The following EPB42 variants were observed in gnomAD, a reference collection of about 807,000 sequenced individuals.
EPB42 encodes protein 4.2.
In EPB42, 49 loss-of-function variants were observed where a neutral mutation model predicts 76.9. The ratio of observed to expected loss-of-function variants is 0.64; its 90% CI spans 0.51 to 0.81. The LOEUF (loss-of-function observed/expected upper bound fraction) is 0.81. EPB42 is among the 30% of genes least tolerant of loss of function. The pLI is 0.00. For synonymous variants in EPB42, 310 were observed against 338.4 expected (o/e 0.92, Z 0.92); for missense variants, 731 against 867.6 (o/e 0.84, Z 1.98).
chr15:43,209,200 G>T lies in EPB42; in HGVS notation c.832+74C>A, dbSNP rs1299066513. The stretch of plus-strand genomic sequence containing the variant: ...CAGGGAGGCAGCACCTGCTTTTGGA[G>T]ATGTCCTTCCCACATGGGAGGCCAG... On this transcript the variant is annotated intron_variant, in intron 6 of 12. Coordinates refer to ENST00000441366, the MANE Select transcript of EPB42 (RefSeq NM_001114134.2). 1.9e-6 allele frequency: 3 copies of T among 1,559,978 alleles called. No individual in the cohort carries two copies. In the African/African-American group the frequency reaches 4.1e-5, roughly 21 times the overall value.
At chr15:43,205,038 C>T (rs925178463) in intron 10 of EPB42, among the ~76,000 whole-genome samples, 12 of 134,518 alleles carry the variant, frequency 8.9e-5, no homozygotes, top group Non-Finnish European at 1.9e-4. Flanking sequence ...TCTTATATGA[C>T]CCCTTCCATT....
rs774089462 is a variant in EPB42 at position 43,206,594 on chromosome 15, C to T, written c.1354G>A (p.Glu452Lys). ...LQEKEVLERV[E>K]KEKMEREKDN... ...TTCTCACGTTCCATTTTCTCTTTCTCGACTCTCTCCAGCACCTCTTTTTCC... is the reference window on the plus strand; with the variant it reads ...TTCTCACGTTCCATTTTCTCTTTCTTGACTCTCTCCAGCACCTCTTTTTCC... The change falls in exon 10 of 13, where the codon GAG (glutamate) becomes AAG (lysine). Residue 452 changes from glutamate (E) to lysine (K), a missense_variant. Transcript: ENST00000441366. This position sits in a 1 kb window ranked among gnomAD's most constrained non-coding sequence, Gnocchi z 4.7. The T allele has an allele frequency of 1.8e-5, 29 of 1,614,018 alleles. No individual in the cohort carries two copies. In the Admixed American group the frequency reaches 3.0e-4, roughly 17 times the overall value.
chr15:43,202,973 T>C (rs1259675234), intron 11 of EPB42, 142 bp downstream of exon 11: 25 of 1,060,742 alleles, frequency 2.4e-5, no homozygotes, highest in Non-Finnish European at 3.5e-5. Context: ...ACTATGTCTT[T>C]CAAGGGAAGG....
intron 2 of EPB42, among the ~76,000 whole-genome samples, chr15:43,215,626 T>C (rs939839544): frequency 1.3e-5 from 2 of 152,228 alleles, no homozygotes; most frequent in East Asian, 3.8e-4. Context: ...TGACAGGTAG[T>C]ATGGATTCAA....
chr15:43,204,367 A>T (rs557539935), intron 10 of EPB42, among the ~76,000 whole-genome samples: 1 of 151,498 alleles, frequency 6.6e-6, no homozygotes, highest in Admixed American at 6.6e-5. Context: ...TCACCCTCTC[A>T]TCTACTCACT....
chr15:43,223,772 G>A (rs1161625485), upstream of EPB42, among the ~76,000 whole-genome samples: 3 of 152,120 alleles, frequency 2.0e-5, no homozygotes, highest in Non-Finnish European at 2.9e-5. Context: ...TCAGGAGTTC[G>A]AAACCAGCCA....
chr15:43,216,412 T>G lies in EPB42; in HGVS notation c.52A>C (p.Asn18His). The change falls in exon 2 of 13, where the codon AAT (asparagine) becomes CAT (histidine). Residue 18 changes from asparagine to histidine, a missense_variant. Physicochemically the swap from Asn to His is moderately conservative, Grantham distance 68. Coordinates refer to ENST00000441366, the MANE Select transcript of EPB42 (RefSeq NM_001114134.2). ...AGGGCCTTGGTGTGGTGCTCCTCATTGTTTCTTGCTGCCTGAAAGTCACAG... is the reference window on the plus strand; with the variant it reads ...AGGGCCTTGGTGTGGTGCTCCTCATGGTTTCTTGCTGCCTGAAAGTCACAG... ...KSCDFQAARN[N>H]EEHHTKALSS... is the part of the protein sequence containing the mutation. 2 of 1,614,202 alleles carry G rather than the reference T, an allele frequency of 1.2e-6. No individual in the cohort carries two copies. The highest frequency in any genetic ancestry group is 1.7e-6 in the Non-Finnish European group (2 of 1,180,042).
Position 43,197,454 on chromosome 15 carries a change from C to T in EPB42, c.1924G>A (p.Val642Met). The T allele has an allele frequency of 1.2e-6, 2 of 1,614,176 alleles. No homozygotes were observed. Among genetic ancestry groups the T allele is most frequent in the Non-Finnish European group, 1.7e-6 (2 of 1,180,040 alleles). The change falls in exon 13 of 13, where the codon GTG becomes ATG. Residue 642 changes from valine to methionine, a missense_variant. Val to Met is a conservative substitution (Grantham distance 21). Transcript: ENST00000441366. ...HRERSYRFRS[V>M]WPENTMCAKF... ...GCACACATGGTGTTTTCAGGCCACA[C>T]TGAACGGAATCTGAAATAAAGGAAA...
intron 10 of EPB42, among the ~76,000 whole-genome samples, chr15:43,204,971 C>CG (rs962877925): frequency 1.7e-4 from 24 of 144,712 alleles, no homozygotes; most frequent in South Asian, 9.3e-4. Flanking sequence ...TCCGCCCCCC[C>CG]CCCAAAAAAA....
intron 2 of EPB42, 88 bp downstream of exon 2, chr15:43,216,180 T>C: frequency 6.5e-7 from 1 of 1,526,898 alleles, no homozygotes; most frequent in Non-Finnish European, 9.0e-7. Flanking sequence ...TGTGGGCCAT[T>C]TGTCCCTTGA....
At position 43,206,117 on chromosome 15, in the gene EPB42, T is replaced by C. The variant is rs995690442; in HGVS notation, c.1618+213A>G. 8 of 561,274 alleles carry C rather than the reference T, an allele frequency of 1.4e-5. No homozygotes were observed. Among genetic ancestry groups the C allele is most frequent in the Non-Finnish European group, 2.5e-5 (8 of 320,448 alleles). The allele number at this position is 561,274 out of a possible 1,614,324, so 34.8% of individuals were successfully genotyped here. A position where few individuals can be genotyped will look rare whatever the true frequency, so the allele number is the denominator to read the frequency against. ...CTGCTACGAAGGGTCTGTTTACTTA[T>C]CTGACTGCAGTTGGCATCGTGTTTT... is the stretch of plus-strand genomic sequence containing the variant. On this transcript the variant is annotated intron_variant, in intron 10 of 12. Transcript: ENST00000441366. This position sits in a 1 kb window ranked among gnomAD's most constrained non-coding sequence, Gnocchi z 4.7.
In EPB42 at chr15:43,204,968, C is replaced by G. The variant is rs565691208; in HGVS notation, c.1618+1362G>C. Among the ~76,000 whole-genome samples the G allele has an allele frequency of 1.8e-3, 249 of 141,982 alleles. 7 individuals carry two copies. Among genetic ancestry groups the G allele is most frequent in the Non-Finnish European group, 2.9e-3 (188 of 65,598 alleles). The allele number at this position is 141,982 out of a possible 152,430, so 93.1% of individuals were successfully genotyped here. On this transcript the variant is annotated intron_variant, in intron 10 of 12. Transcript: ENST00000441366. ...GCTCAGAAGGCTGCCCCCTCCGCCC[C>G]CCCCCCAAAAAAAAGTTCCCAAGAT...
chr15:43,225,201 C>G (rs535682184), upstream of EPB42, among the ~76,000 whole-genome samples: 1 of 152,290 alleles, frequency 6.6e-6, no homozygotes, highest in Non-Finnish European at 1.5e-5. Flanking sequence ...TAGACTATTT[C>G]TAGAAAATTA....
chr15:43,210,968 G>C (rs1201697245), intron 4 of EPB42, among the ~76,000 whole-genome samples: 1 of 152,138 alleles, frequency 6.6e-6, no homozygotes, highest in East Asian at 1.9e-4. Flanking sequence ...TCGGGGATTG[G>C]GGAAGGCTTC....
At chr15:43,211,232 C>T (rs1251026147) in intron 4 of EPB42, among the ~76,000 whole-genome samples, 184 bp downstream of exon 4, 1 of 152,086 alleles carries the variant, frequency 6.6e-6, no homozygotes, top group East Asian at 1.9e-4. Flanking sequence ...GAAAATAATT[C>T]TGGGAGCTCC....
intron 8 of EPB42, among the ~76,000 whole-genome samples, chr15:43,207,978 A>T (rs551951245): frequency 2.4e-4 from 37 of 152,018 alleles, no homozygotes; most frequent in African/African-American, 8.5e-4. Flanking sequence ...CTTCACTGTG[A>T]CCCAACTCCC....
At chr15:43,209,631 T>C (rs1006315353) in intron 5 of EPB42, 180 bp from the exon 6 acceptor site, 3 of 667,158 alleles carry the variant, frequency 4.5e-6, no homozygotes, top group Non-Finnish European at 7.7e-6. Context: ...CCCTGGGTCA[T>C]AGCTCTAGGG....
chr15:43,218,555 T>C (rs1042270030), intron 1 of EPB42, among the ~76,000 whole-genome samples: 1 of 152,220 alleles, frequency 6.6e-6, no homozygotes, highest in African/African-American at 2.4e-5. Flanking sequence ...GCTCCCCTTT[T>C]CACTGTGAGC....
chr15:43,208,372 A>G (rs2042238470), intron 7 of EPB42, 39 bp from the exon 8 acceptor site: 1 of 1,597,862 alleles, frequency 6.3e-7, no homozygotes, highest in South Asian at 1.1e-5. Context: ...TGGGAAAGAA[A>G]ACGAGTGCTG....
Sources: gnomAD v4.1 joint callset for allele counts (sites outside exome capture counted in the v4.1 genomes callset) on GRCh38, gnomAD v4.1.1 for gene constraint, Gnocchi (gnomAD v3.1) non-coding constraint, MANE v1.5 for transcripts, NCBI Gene and HGNC (gene_info 2026-07-23, HGNC 2026-07-21) for gene names.